MYO3B: variants seen among roughly 807,000 people sequenced by gnomAD.
MYO3B encodes myosin IIIB.
MYO3B carries 156 observed loss-of-function variants against 174.6 expected under a neutral mutation model. The ratio of observed to expected loss-of-function variants is 0.89; its 90% CI spans 0.78 to 1.02. The LOEUF (loss-of-function observed/expected upper bound fraction) is 1.02. Among genes scored for constraint, MYO3B ranks in the 50% least tolerant of loss-of-function variants. MYO3B has a pLI of 0.00. For missense variants in MYO3B, 1,632 were observed against 1,639.4 expected, an observed-to-expected ratio of 1.00 and a Z score of 0.08; for synonymous variants, 563 against 569.1, an observed-to-expected ratio of 0.99 and a Z score of 0.15.
At chr2:170,249,748 T>G (rs888824693) in intron 7 of MYO3B, among the ~76,000 whole-genome samples, 1 of 152,216 alleles carries the variant, frequency 6.6e-6, no homozygotes, top group Non-Finnish European at 1.5e-5. Context: ...GCTCCACTTG[T>G]GGGTTCAGTT....
intron 22 of MYO3B, among the ~76,000 whole-genome samples, chr2:170,443,073 G>A (rs943655880): frequency 9.9e-5 from 15 of 152,160 alleles, no homozygotes; most frequent in South Asian, 2.1e-4. Flanking sequence ...CTGAGGAATC[G>A]CCACACTGTC....
chr2:170,224,899 G>A (rs180731065), intron 6 of MYO3B, among the ~76,000 whole-genome samples: 2 of 152,102 alleles, frequency 1.3e-5, no homozygotes, highest in Non-Finnish European at 2.9e-5. Flanking sequence ...CAGAAATATC[G>A]CAAGCTTTTT....
At chr2:170,266,828 G>A (rs537340530) in intron 7 of MYO3B, among the ~76,000 whole-genome samples, 6 of 152,318 alleles carry the variant, frequency 3.9e-5, no homozygotes, top group African/African-American at 1.2e-4. Context: ...ACAACACTTG[G>A]CATCCTCTGC....
intron 22 of MYO3B, among the ~76,000 whole-genome samples, chr2:170,433,656 T>A (rs531848212): frequency 6.6e-6 from 1 of 152,358 alleles, no homozygotes; most frequent in Non-Finnish European, 1.5e-5. Flanking sequence ...CTCAGACATG[T>A]AAGCATGAGC....
At chr2:170,424,670 T>C (rs1003379640) in intron 22 of MYO3B, among the ~76,000 whole-genome samples, 7 of 152,192 alleles carry the variant, frequency 4.6e-5, no homozygotes, top group African/African-American at 1.7e-4. Flanking sequence ...ATAATGACTC[T>C]AACCTTGGGA....
At chr2:170,351,552 C>A (rs555288157) in intron 8 of MYO3B, among the ~76,000 whole-genome samples, 57 of 152,038 alleles carry the variant, frequency 3.7e-4, no homozygotes, top group Non-Finnish European at 1.2e-4. Context: ...TGCCATTCTA[C>A]AACCTGGCTC....
intron 8 of MYO3B, among the ~76,000 whole-genome samples, chr2:170,359,975 G>T (rs2094148978): frequency 6.6e-6 from 1 of 152,114 alleles, no homozygotes; most frequent in African/African-American, 2.4e-5. Flanking sequence ...AATCTCATCT[G>T]ATTCTCTAAA....
intron 9 of MYO3B, among the ~76,000 whole-genome samples, chr2:170,380,567 A>G (rs997778674): frequency 8.5e-5 from 13 of 152,144 alleles, no homozygotes; most frequent in Admixed American, 2.0e-4. Flanking sequence ...CGCATTGAGG[A>G]GTGATGAGTT....
rs1346498546 is a variant in MYO3B, at chr2:170,260,752, T to C, written c.749+24616T>C. The stretch of plus-strand genomic sequence containing the variant: ...AATTCAGTTGAGAAAAAGAGCTGTT[T>C]TGATGGAGCTATGGGGATAAAAACC... On this transcript the variant is annotated intron_variant, in intron 7 of 34. Transcript: ENST00000408978. Among the ~76,000 whole-genome samples, 3 of 152,306 alleles carry C rather than the reference T, an allele frequency of 2.0e-5. No individual in the cohort carries two copies. The East Asian group carries it at 5.8e-4, about 29-fold the overall frequency.
chr2:170,471,749 T>A (rs1424096175), intron 25 of MYO3B, among the ~76,000 whole-genome samples: 1 of 152,080 alleles, frequency 6.6e-6, no homozygotes. Flanking sequence ...CCCAGCACTT[T>A]GGGAGGCTGA....
chr2:170,561,624 T>C (rs1332105249), intron 32 of MYO3B, among the ~76,000 whole-genome samples: 1 of 152,228 alleles, frequency 6.6e-6, no homozygotes, highest in East Asian at 1.9e-4. Context: ...CTTGTACTAA[T>C]GAGAGGAATT....
At chr2:170,544,421 CT>C (rs1464678486) in intron 32 of MYO3B, among the ~76,000 whole-genome samples, 1 of 152,194 alleles carries the variant, frequency 6.6e-6, no homozygotes, top group Non-Finnish European at 1.5e-5. Context: ...GGACACAACT[CT>C]TTCTGGCTCG....
At chr2:170,323,185 G>A (rs10184296) in intron 7 of MYO3B, among the ~76,000 whole-genome samples, 40,359 of 152,056 alleles carry the variant, frequency 0.27, 5,825 homozygotes, top group South Asian at 0.37. Context: ...GTCTTATTGT[G>A]GTAAAATGAC....
rs2094475498 is a variant in MYO3B at position 170,401,492 on chromosome 2, C to G, written c.1930C>G (p.Leu644Val). ...ACTCTTTGTTTCAGCTGCCTCTGTTCTGTGCATTAGCCCTGAAGAGCTCCA... is the reference window on the plus strand; with the variant it reads ...ACTCTTTGTTTCAGCTGCCTCTGTTGTGTGCATTAGCCCTGAAGAGCTCCA... ...AEALQNAASV[L>V]CISPEELQEA... The change falls in exon 18 of 35, where the codon CTG becomes GTG. Residue 644 changes from leucine (L) to valine (V), a missense_variant. Coordinates refer to ENST00000408978, the MANE Select transcript of MYO3B (RefSeq NM_138995.5). 4.3e-6 allele frequency: 7 copies of G among 1,614,038 alleles called. No homozygotes were observed. Among genetic ancestry groups the G allele is most frequent in the Non-Finnish European group, 5.9e-6 (7 of 1,179,924 alleles).
At chr2:170,459,241 G>T (rs151031373) in intron 23 of MYO3B, among the ~76,000 whole-genome samples, 2 of 152,316 alleles carry the variant, frequency 1.3e-5, no homozygotes, top group East Asian at 3.9e-4. Context: ...TCCCTAATCT[G>T]ACCCTACCCA....
chr2:170,365,173 G>A (rs996618749), intron 8 of MYO3B, among the ~76,000 whole-genome samples: 17 of 152,144 alleles, frequency 1.1e-4, no homozygotes, highest in Non-Finnish European at 2.2e-4. Flanking sequence ...TTAACAACAC[G>A]GAACAAAGCA....
At chr2:170,587,692 C>T (rs1167182484) in intron 32 of MYO3B, among the ~76,000 whole-genome samples, 1 of 152,160 alleles carries the variant, frequency 6.6e-6, no homozygotes, top group Non-Finnish European at 1.5e-5. Context: ...CTTCTCAGTA[C>T]CATAATGATC....
intron 30 of MYO3B, among the ~76,000 whole-genome samples, chr2:170,531,448 G>C (rs372875935): frequency 3.9e-5 from 6 of 152,086 alleles, no homozygotes; most frequent in South Asian, 2.1e-4. Context: ...TTTTCTCAAG[G>C]CTTCAGTTTC....
rs1345124095 is a variant in MYO3B at position 170,499,732 on chromosome 2, C to T, written c.3213C>T (p.Thr1071=). The part of the protein sequence containing the change: ...IGRVVVLQAY[T]KGWLGARRYK... ...GAGTGGTTGTGCTGCAGGCATATAC[C>T]AAGGGGTGGCTTGGAGCCAGGAGAT... Residue 1071 remains threonine (T), a synonymous_variant, in exon 27 of 35, where the codon ACC becomes ACT. Coordinates refer to ENST00000408978, the MANE Select transcript of MYO3B (RefSeq NM_138995.5). 1 of 1,613,822 alleles carries T rather than the reference C, an allele frequency of 6.2e-7. No homozygotes were observed.
Sources: gnomAD v4.1 joint callset for allele counts (sites outside exome capture counted in the v4.1 genomes callset) on GRCh38, gnomAD v4.1.1 for gene constraint, MANE v1.5 for transcripts, NCBI Gene and HGNC (gene_info 2026-07-23, HGNC 2026-07-21) for gene names.